Variants in CHAF1A observed in about 807,000 individuals in gnomAD.
CHAF1A encodes chromatin assembly factor 1 subunit A, also known as CAF-1 subunit A.
Under a neutral mutation model 93.2 loss-of-function variants are expected in CHAF1A, and 5 were observed. The ratio of observed to expected loss-of-function variants is 0.05; its 90% CI spans 0.03 to 0.11. CHAF1A has a LOEUF of 0.11. Among genes scored for constraint, CHAF1A ranks in the 10% least tolerant of loss-of-function variants. The pLI, the probability that CHAF1A is intolerant of heterozygous loss-of-function variation, is 1.00. For synonymous variants in CHAF1A, 504 were observed against 510.3 expected, an observed-to-expected ratio of 0.99 and a Z score of 0.17; for missense variants, 1,102 against 1,259.9, an observed-to-expected ratio of 0.87 and a Z score of 1.90.
At chr19:4,411,687 G>A (rs149399102) in intron 3 of CHAF1A, among the ~76,000 whole-genome samples, 3,817 of 76,624 alleles carry the variant, frequency 0.05, 212 homozygotes, top group African/African-American at 0.15. Flanking sequence ...TCACCCTGTC[G>A]CCCAGGCTGG....
chr19:4,410,794 C>G (rs1599639694), intron 3 of CHAF1A, among the ~76,000 whole-genome samples: 1 of 152,134 alleles, frequency 6.6e-6, no homozygotes, highest in South Asian at 2.1e-4. Context: ...GAGGCCGCAG[C>G]GAGCTATGAT....
rs371234032 is a variant in CHAF1A, at chr19:4,436,857, A to C, written c.2673+3318A>C. Among the ~76,000 whole-genome samples the C allele has an allele frequency of 2.9e-4, 44 of 152,018 alleles. No homozygotes were observed. In the South Asian group the frequency reaches 5.4e-3, roughly 19 times the overall value. The stretch of plus-strand genomic sequence containing the variant: ...CAACATGTGGAACCCATGTTTCCCC[A>C]CCCGGAAAATAGCGCCCTGAGCCCC... On this transcript the variant is annotated intron_variant, in intron 13 of 14. Coordinates refer to ENST00000301280, the MANE Select transcript of CHAF1A (RefSeq NM_005483.3).
intron 13 of CHAF1A, among the ~76,000 whole-genome samples, chr19:4,435,859 C>G (rs1404619639): frequency 1.3e-5 from 2 of 152,136 alleles, no homozygotes; most frequent in African/African-American, 4.8e-5. Context: ...TGGTCGTTGG[C>G]TGGGCACAGT....
chr19:4,423,175 A>G lies in CHAF1A; in HGVS notation c.1248-160A>G, dbSNP rs1974020876. On this transcript the variant is annotated intron_variant, in intron 5 of 14. Transcript: ENST00000301280. ...ATTTTATTGACTGTTTTCCATTTTT[A>G]TTGTGAAGACCTATGTAAAAGCCTT... Among the ~76,000 whole-genome samples, 4 of 152,248 alleles carry G rather than the reference A, an allele frequency of 2.6e-5. No homozygotes were observed. In the South Asian group the frequency reaches 6.2e-4, roughly 24 times the overall value.
intron 3 of CHAF1A, among the ~76,000 whole-genome samples, chr19:4,416,571 G>A (rs1480947189): frequency 6.6e-6 from 1 of 152,088 alleles, no homozygotes; most frequent in African/African-American, 2.4e-5. Context: ...TTTCCCTTTT[G>A]TCTTAAGCTT....
At chr19:4,437,121 C>T (rs1236372493) in intron 13 of CHAF1A, among the ~76,000 whole-genome samples, 1 of 152,154 alleles carries the variant, frequency 6.6e-6, no homozygotes, top group African/African-American at 2.4e-5. Flanking sequence ...TCCTGGGGCT[C>T]AGCAGTGCAG....
Position 4,422,448 on chromosome 19 carries a change from C to T in CHAF1A, c.1018-118C>T, listed in dbSNP as rs900921773. 1.1e-6 allele frequency: 1 copy of T among 898,302 alleles called. No homozygotes were observed. The highest frequency in any genetic ancestry group is 1.7e-6 in the Non-Finnish European group (1 of 582,954). 55.6% of individuals were successfully genotyped at this position (898,302 alleles called of 1,614,324 possible). A position where few individuals can be genotyped will look rare whatever the true frequency, so the allele number is the denominator to read the frequency against. On this transcript the variant is annotated intron_variant, in intron 4 of 14. Transcript: ENST00000301280. This position sits in a 1 kb window ranked among gnomAD's most constrained non-coding sequence, Gnocchi z 4.6. ...ACAGGCGTGAGCCACCATGCCTAGC[C>T]TTGGTCCCTCAATTCTGTTCATCCC...
chr19:4,448,189 C>T (rs970947085), downstream of CHAF1A: 6 of 823,776 alleles, frequency 7.3e-6, no homozygotes, highest in East Asian at 2.7e-5. Flanking sequence ...CTGCCTCACT[C>T]TCGGCCTATG....
At chr19:4,413,422 C>G (rs149922370) in intron 3 of CHAF1A, among the ~76,000 whole-genome samples, 5 of 152,304 alleles carry the variant, frequency 3.3e-5, no homozygotes, top group African/African-American at 7.2e-5. Context: ...CAAGCCACCC[C>G]CTTCCCACAA....
At chr19:4,415,932 G>A (rs243358) in intron 3 of CHAF1A, among the ~76,000 whole-genome samples, 44,304 of 151,870 alleles carry the variant, frequency 0.29, 7,090 homozygotes, top group East Asian at 0.6. Flanking sequence ...CCAGCACTTT[G>A]GGAGGCCGAG....
chr19:4,405,478 T>C (rs557175026), intron 1 of CHAF1A, among the ~76,000 whole-genome samples: 9 of 152,112 alleles, frequency 5.9e-5, no homozygotes, highest in South Asian at 2.1e-4. Flanking sequence ...AGTGGTGGCA[T>C]GCGCCTGTAG....
rs752103341 is a variant in CHAF1A at position 4,409,506 on chromosome 19, A to G, written c.707A>G (p.Lys236Arg). ...SEAGGILFKG[K>R]VPMVVLQDIL... ...GCTGGGGGCATCCTGTTCAAAGGGA[A>G]GGTGCCTATGGTGGTCTTGCAGGAC... Residue 236 changes from lysine to arginine, a missense_variant, in exon 3 of 15, where the codon AAG (lysine) becomes AGG (arginine). Lys to Arg is a conservative substitution (Grantham distance 26). Around this residue, in one of 6 missense-constraint regions of CHAF1A, gnomAD observed 379 missense variants for 365.7 expected, o/e 1.04. Coordinates refer to ENST00000301280, the MANE Select transcript of CHAF1A (RefSeq NM_005483.3). 152 of 1,614,032 alleles carry G rather than the reference A, an allele frequency of 9.4e-5. No homozygotes were observed. Among genetic ancestry groups the G allele is most frequent in the Non-Finnish European group, 1.3e-4 (152 of 1,180,028 alleles).
In CHAF1A at chr19:4,443,072, A is replaced by C. The variant is rs1447663859; in HGVS notation, c.*47A>C. ...AATGCTTAGGGTGTCCTCCCCACAG[A>C]GCAGATACTTGAACCGACTCAATTC... On this transcript the variant is annotated 3_prime_UTR_variant, in exon 15 of 15. Transcript: ENST00000301280. 3.2e-6 allele frequency: 4 copies of C among 1,236,030 alleles called. No individual in the cohort carries two copies. Among genetic ancestry groups the C allele is most frequent in the Non-Finnish European group, 3.5e-6 (3 of 857,340 alleles). The allele number at this position is 1,236,030 out of a possible 1,614,324, so 76.6% of individuals were successfully genotyped here. A position where few individuals can be genotyped will look rare whatever the true frequency, so the allele number is the denominator to read the frequency against.
chr19:4,423,452 A>C, intron 6 of CHAF1A, 57 bp downstream of exon 6: 1 of 1,609,238 alleles, frequency 6.2e-7, no homozygotes, highest in East Asian at 2.2e-5. Context: ...GCAGATGCCC[A>C]AAGTGGAATT....
chr19:4,412,691 G>C (rs1973827658), intron 3 of CHAF1A, among the ~76,000 whole-genome samples: 1 of 152,228 alleles, frequency 6.6e-6, no homozygotes, highest in African/African-American at 2.4e-5. Flanking sequence ...CTGAGCACAT[G>C]AACCCAGTGT....
intron 11 of CHAF1A, 125 bp downstream of exon 11, chr19:4,430,766 C>G: frequency 3.2e-6 from 3 of 926,202 alleles, no homozygotes; most frequent in Non-Finnish European, 5.0e-6. Context: ...GACTGCATTC[C>G]AAGCACGCAA....
At chr19:4,407,248 A>G (rs10408675) in intron 2 of CHAF1A, among the ~76,000 whole-genome samples, 2 of 86,164 alleles carry the variant, frequency 2.3e-5, no homozygotes, top group South Asian at 4.0e-4. Flanking sequence ...CACCCCCCCC[A>G]AAAAAAAACA....
At chr19:4,442,656 C>T (rs1974415328) in intron 14 of CHAF1A, among the ~76,000 whole-genome samples, 1 of 152,200 alleles carries the variant, frequency 6.6e-6, no homozygotes, top group Non-Finnish European at 1.5e-5. Flanking sequence ...CTGGAGCACT[C>T]GCCAAAGAGG....
At chr19:4,430,133 A>AC in intron 10 of CHAF1A, 1 of 352,074 alleles carries the variant, frequency 2.8e-6, no homozygotes, top group South Asian at 3.1e-5. Flanking sequence ...GCCGATGCTC[A>AC]CCGTGTCTGT....
Sources: allele counts gnomAD v4.1 joint callset (sites outside exome capture counted in the v4.1 genomes callset), GRCh38; gene constraint gnomAD v4.1.1; regional missense constraint gnomAD v4.1.1; non-coding constraint Gnocchi (gnomAD v3.1); transcripts MANE v1.5; gene names NCBI Gene and HGNC (gene_info 2026-07-23, HGNC 2026-07-21).